The following ASAH2B variants were observed in gnomAD, a reference collection of about 807,000 sequenced individuals.
The protein encoded by ASAH2B is putative inactive neutral ceramidase B.
Under a neutral mutation model 2.9 loss-of-function variants are expected in ASAH2B, and 1 was observed. The observed-to-expected ratio is 0.34, with a 90% CI of 0.12 to 1.63. ASAH2B has a LOEUF of 1.63. ASAH2B is among the 40% of genes most tolerant of loss of function. The pLI, the probability that ASAH2B is intolerant of heterozygous loss-of-function variation, is 0.36. For synonymous variants in ASAH2B, 4 were observed against 13.3 expected (o/e 0.30, Z 1.52); for missense variants, 9 against 37.7 (o/e 0.24, Z 1.99).
chr10:50,744,344 A>G (rs1839876043), intron 2 of ASAH2B, among the ~76,000 whole-genome samples: 1 of 151,554 alleles, frequency 6.6e-6, no homozygotes. Flanking sequence ...CCTTAAAACT[A>G]GCTATGTGAT....
rs1465750895 is a variant in ASAH2B, at chr10:50,755,778, T to C, written c.*1038T>C. The C allele has an allele frequency of 5.3e-5, 8 of 151,172 alleles. No homozygotes were observed. The highest frequency in any genetic ancestry group is 1.9e-4 in the African/African-American group (8 of 41,456). 9.4% of individuals were successfully genotyped at this position (151,172 alleles called of 1,614,324 possible). A position where few individuals can be genotyped will look rare whatever the true frequency, so the allele number is the denominator to read the frequency against. On this transcript the variant is annotated 3_prime_UTR_variant, in exon 6 of 6. Coordinates refer to ENST00000647317, the MANE Select transcript of ASAH2B (RefSeq NM_001321958.2). ...TAGGCCTTGATAATTAGTGAATTTG[T>C]ACTTGGGGTGAATGTGTAAGTGTCA...
intron 3 of ASAH2B, among the ~76,000 whole-genome samples, chr10:50,746,086 T>TA (rs1839901000): frequency 6.6e-6 from 1 of 151,456 alleles, no homozygotes; most frequent in Non-Finnish European, 1.5e-5. Context: ...CTCTTGAACT[T>TA]ATTCCCTTTG....
chr10:50,747,645 A>AT (rs1342818578), intron 3 of ASAH2B, among the ~76,000 whole-genome samples: 1 of 150,292 alleles, frequency 6.7e-6, no homozygotes. Context: ...GGGTTTTGCA[A>AT]TTTTTTTTCT....
rs1292436955 is a variant in ASAH2B, at chr10:50,757,576, ACTGT to A, written c.*2839_*2842del. The A allele has an allele frequency of 2.0e-5, 3 of 149,008 alleles. No homozygotes were observed. The highest frequency in any genetic ancestry group is 4.5e-5 in the Non-Finnish European group (3 of 66,712). 9.2% of individuals were successfully genotyped at this position (149,008 alleles called of 1,614,324 possible). ...CTTCTCCTCCAATGTAAGCAAGCTT[ACTGT>A]CTTTTTCTAAGATTAGCGCATGGAT... On this transcript the variant is annotated 3_prime_UTR_variant, in exon 6 of 6. Coordinates refer to ENST00000647317, the MANE Select transcript of ASAH2B (RefSeq NM_001321958.2).
intron 2 of ASAH2B, 55 bp downstream of exon 2, chr10:50,743,065 T>C (rs1035033344): frequency 6.4e-7 from 1 of 1,562,950 alleles, no homozygotes; most frequent in East Asian, 2.2e-5. Flanking sequence ...TGTGTATGTC[T>C]GTATGTGTCT....
At position 50,755,214 on chromosome 10, in the gene ASAH2B, G is replaced by GA. The variant is rs1336777155; in HGVS notation, c.*479dup. The GA allele has an allele frequency of 1.0e-5, 1 of 96,576 alleles. No individual in the cohort carries two copies. Among genetic ancestry groups the GA allele is most frequent in the African/African-American group, 3.2e-5 (1 of 31,290 alleles). The allele number at this position is 96,576 out of a possible 1,614,324, so 6.0% of individuals were successfully genotyped here. A position where few individuals can be genotyped will look rare whatever the true frequency, so the allele number is the denominator to read the frequency against. On this transcript the variant is annotated 3_prime_UTR_variant, in exon 6 of 6. Transcript: ENST00000647317. ...GTCTTACCCTTCATCTTACATATAA[G>GA]AAAAATGGTCTTTTCTTCTAATCAC...
At position 50,758,772 on chromosome 10, in the gene ASAH2B, G is replaced by T. The variant is rs1250967749; in HGVS notation, c.*4032G>T. 1 of 152,010 alleles carries T rather than the reference G, an allele frequency of 6.6e-6. No individual in the cohort carries two copies. Among genetic ancestry groups the T allele is most frequent in the Non-Finnish European group, 1.5e-5 (1 of 67,928 alleles). 9.4% of individuals were successfully genotyped at this position (152,010 alleles called of 1,614,324 possible). On this transcript the variant is annotated 3_prime_UTR_variant, in exon 6 of 6. Transcript: ENST00000647317. The stretch of plus-strand genomic sequence containing the variant: ...AGAATGAAACAATAATGAAGGCAAA[G>T]CTATTCCCTGCCAAAAGGAACTTAG...
chr10:50,757,267 A>T lies in ASAH2B; in HGVS notation c.*2527A>T, dbSNP rs1055750364. The T allele has an allele frequency of 2.6e-5, 4 of 151,624 alleles. No homozygotes were observed. Among genetic ancestry groups the T allele is most frequent in the African/African-American group, 9.7e-5 (4 of 41,366 alleles). 9.4% of individuals were successfully genotyped at this position (151,624 alleles called of 1,614,324 possible). ...GGTGGAACAAAAGGTGGTAGATTAC[A>T]TGTAAATTAGGTTGGAAAGTGATAC... On this transcript the variant is annotated 3_prime_UTR_variant, in exon 6 of 6. Coordinates refer to ENST00000647317, the MANE Select transcript of ASAH2B (RefSeq NM_001321958.2).
In ASAH2B at chr10:50,748,514, A is replaced by G. The variant is rs1015007434; in HGVS notation, c.145-829A>G. Among the ~76,000 whole-genome samples the G allele has an allele frequency of 2.7e-5, 4 of 149,122 alleles. 1 individual carries two copies. The highest frequency in any genetic ancestry group is 5.1e-5 in the African/African-American group (2 of 38,994). On this transcript the variant is annotated intron_variant, in intron 3 of 5. Coordinates refer to ENST00000647317, the MANE Select transcript of ASAH2B (RefSeq NM_001321958.2). ...GGGAACAGAATCTTGTCACAACTCT[A>G]TGAGCCTGGGGACTGTTCTCTGTAA... is the stretch of plus-strand genomic sequence containing the variant.
rs1265140229 is a variant in ASAH2B, at chr10:50,755,892, T to C, written c.*1152T>C. ...AAAAATCAGTAATCTTCAAGTTATA[T>C]CTTGTGTATCATCTGTGTTGGATAC... On this transcript the variant is annotated 3_prime_UTR_variant, in exon 6 of 6. Transcript: ENST00000647317. 6.6e-6 allele frequency: 1 copy of C among 151,624 alleles called. No homozygotes were observed. Among genetic ancestry groups the C allele is most frequent in the Non-Finnish European group, 1.5e-5 (1 of 67,716 alleles). The allele number at this position is 151,624 out of a possible 1,614,324, so 9.4% of individuals were successfully genotyped here.
chr10:50,744,929 A>T (rs1262330013), intron 2 of ASAH2B, among the ~76,000 whole-genome samples, 199 bp from the exon 3 acceptor site: 2 of 150,396 alleles, frequency 1.3e-5, no homozygotes, highest in African/African-American at 4.9e-5. Flanking sequence ...TCTCCCAGTG[A>T]CAAGAGTTTA....
Position 50,758,969 on chromosome 10 carries a change from G to C in ASAH2B, c.*4229G>C, listed in dbSNP as rs1404579882. On this transcript the variant is annotated 3_prime_UTR_variant, in exon 6 of 6. Transcript: ENST00000647317. ...AGACTTAAAAGATATGTAGAAATTA[G>C]CTAGAAGGAAGGCAATGGTGTGTGC... is the stretch of plus-strand genomic sequence containing the variant. 1 of 151,404 alleles carries C rather than the reference G, an allele frequency of 6.6e-6. No homozygotes were observed. The highest frequency in any genetic ancestry group is 2.1e-4 in the South Asian group (1 of 4,780). The allele number at this position is 151,404 out of a possible 1,614,324, so 9.4% of individuals were successfully genotyped here.
At chr10:50,742,335 A>T (rs1718315985) in intron 1 of ASAH2B, among the ~76,000 whole-genome samples, 1 of 152,154 alleles carries the variant, frequency 6.6e-6, no homozygotes. Context: ...GGGAGACTGG[A>T]AAGATGACAT....
At chr10:50,744,634 G>A (rs1188995680) in intron 2 of ASAH2B, 2 of 151,162 alleles carry the variant, frequency 1.3e-5, no homozygotes, top group Non-Finnish European at 2.9e-5. Context: ...AACCAGTCAG[G>A]ATGTGGGATG....
rs1345284575 is a variant in ASAH2B, at chr10:50,755,660, T to C, written c.*920T>C. On this transcript the variant is annotated 3_prime_UTR_variant, in exon 6 of 6. Transcript: ENST00000647317. ...AAAGCAGAGGTTCTAAATTAATTTA[T>C]CTGTTCTTTTACCATTTGCTCACTC... The C allele has an allele frequency of 6.6e-6, 1 of 151,628 alleles. No homozygotes were observed. Among genetic ancestry groups the C allele is most frequent in the Non-Finnish European group, 1.5e-5 (1 of 67,762 alleles). The allele number at this position is 151,628 out of a possible 1,614,324, so 9.4% of individuals were successfully genotyped here. A position where few individuals can be genotyped will look rare whatever the true frequency, so the allele number is the denominator to read the frequency against.
chr10:50,742,962 A>G lies in ASAH2B; in HGVS notation c.-52A>G. On this transcript the variant is annotated 5_prime_UTR_variant, in exon 2 of 6. Transcript: ENST00000647317. The stretch of plus-strand genomic sequence containing the variant: ...CGACAATTTATGGACCGCACGCATT[A>G]TCTGCTTACATTCAGCTCTTCAGAA... 6.2e-7 allele frequency: 1 copy of G among 1,614,134 alleles called. No individual in the cohort carries two copies. The highest frequency in any genetic ancestry group is 8.5e-7 in the Non-Finnish European group (1 of 1,180,010).
intron 3 of ASAH2B, among the ~76,000 whole-genome samples, chr10:50,746,981 G>C (rs1839916857): frequency 6.8e-6 from 1 of 146,450 alleles, no homozygotes; most frequent in African/African-American, 2.5e-5. Context: ...TTGTTTTTTT[G>C]GTTGTGCAGA....
rs1837101749 is a variant in ASAH2B at position 50,756,791 on chromosome 10, C to A, written c.*2051C>A. The A allele has an allele frequency of 6.6e-6, 1 of 151,876 alleles. No individual in the cohort carries two copies. Among genetic ancestry groups the A allele is most frequent in the African/African-American group, 2.4e-5 (1 of 41,526 alleles). 9.4% of individuals were successfully genotyped at this position (151,876 alleles called of 1,614,324 possible). A position where few individuals can be genotyped will look rare whatever the true frequency, so the allele number is the denominator to read the frequency against. On this transcript the variant is annotated 3_prime_UTR_variant, in exon 6 of 6. Transcript: ENST00000647317. ...AAATAAAACCAAATTCCTGGATTAT[C>A]AATATCAGTTCTTTACCTGTGCATA...
At position 50,754,910 on chromosome 10, in the gene ASAH2B, G is replaced by C; in HGVS notation, c.*170G>C. ...TGGAGGGGTGTGTGTGTGTGTGTGT[G>C]TGTGTGTGTGTGTGTGTGTGTGTGT... On this transcript the variant is annotated 3_prime_UTR_variant, in exon 6 of 6. Coordinates refer to ENST00000647317, the MANE Select transcript of ASAH2B (RefSeq NM_001321958.2). The C allele has an allele frequency of 3.4e-6, 1 of 294,874 alleles. No homozygotes were observed. Among genetic ancestry groups the C allele is most frequent in the South Asian group, 2.8e-5 (1 of 35,434 alleles). The allele number at this position is 294,874 out of a possible 1,614,324, so 18.3% of individuals were successfully genotyped here.
Sources: allele counts gnomAD v4.1 joint callset (sites outside exome capture counted in the v4.1 genomes callset), GRCh38; gene constraint gnomAD v4.1.1; transcripts MANE v1.5; gene names NCBI Gene and HGNC (gene_info 2026-07-23, HGNC 2026-07-21).